Variants in ETV6 observed in about 807,000 individuals in gnomAD.
ETV6 encodes transcription factor ETV6.
In ETV6, 16 loss-of-function variants were observed where a neutral mutation model predicts 51.1. The observed-to-expected ratio is 0.31, with a 90% CI of 0.21 to 0.48. The LOEUF is 0.48. Ranked by LOEUF, ETV6 falls within the 20% of genes least tolerant of loss-of-function variation. The probability of loss-of-function intolerance (pLI) is 0.99; values close to 1 mark genes in which losing one functional copy is unlikely to be tolerated. For synonymous variants in ETV6, 240 were observed against 224.1 expected, an observed-to-expected ratio of 1.07 and a Z score of -0.64; for missense variants, 458 against 594.8, an observed-to-expected ratio of 0.77 and a Z score of 2.39.
In ETV6 at chr12:11,748,153, C is replaced by T. The variant is rs150890463; in HGVS notation, c.34-4297C>T. On this transcript the variant is annotated intron_variant, in intron 1 of 7. Transcript: ENST00000396373. Reference sequence around the variant, plus strand: ...AGGTTTCTTCACAGTGATGGGACACCGAAGTGCAATGGGATGAAAGCATGC... The same window carrying T: ...AGGTTTCTTCACAGTGATGGGACACTGAAGTGCAATGGGATGAAAGCATGC... 2.4e-4 allele frequency among the ~76,000 whole-genome samples: 37 copies of T among 152,244 alleles called. 1 individual carries two copies. The East Asian group carries it at 5.8e-3, about 24-fold the overall frequency.
intron 1 of ETV6, among the ~76,000 whole-genome samples, chr12:11,739,021 C>A (rs1865761109): frequency 6.6e-6 from 1 of 152,040 alleles, no homozygotes; most frequent in Non-Finnish European, 1.5e-5. Context: ...AAGTGGCGTC[C>A]TGAACCAACT....
rs205541 is a variant in ETV6 at position 11,691,160 on chromosome 12, C to T, written c.33+41000C>T. On this transcript the variant is annotated intron_variant, in intron 1 of 7. Coordinates refer to ENST00000396373, the MANE Select transcript of ETV6 (RefSeq NM_001987.5). ...GGAGCTCTCTAAGGCCTCTTTTATA[C>T]GAACCTAAATCCCATCCATGAGGGC... Among the ~76,000 whole-genome samples the T allele has an allele frequency of 6.7e-3, 1,019 of 152,156 alleles. 6 individuals are homozygous for T. The highest frequency in any genetic ancestry group is 0.016 in the African/African-American group (671 of 41,520).
chr12:11,777,707 C>G (rs1247680504), intron 2 of ETV6, among the ~76,000 whole-genome samples: 2 of 152,158 alleles, frequency 1.3e-5, no homozygotes, highest in Non-Finnish European at 1.5e-5. Flanking sequence ...CCTCTTTCTT[C>G]TGGCTACAAC....
chr12:11,702,835 A>G (rs1865009149), intron 1 of ETV6, among the ~76,000 whole-genome samples: 1 of 152,170 alleles, frequency 6.6e-6, no homozygotes, highest in African/African-American at 2.4e-5. Flanking sequence ...AAAAGGTTAC[A>G]TTTGTCATGC....
At chr12:11,816,050 T>C (rs1299137932) in intron 2 of ETV6, among the ~76,000 whole-genome samples, 3 of 152,102 alleles carry the variant, frequency 2.0e-5, no homozygotes, top group Non-Finnish European at 2.9e-5. Context: ...CAGAAAACAG[T>C]CTGCCAAGTC....
In ETV6 at chr12:11,853,477, C is replaced by G; in HGVS notation, c.379C>G (p.Arg127Gly). ...LQHILKQRKP[R>G]ILFSPFFHPG... ...GCATATTCTGAAGCAGAGGAAACCT[C>G]GGATTCTTTTTTCACCATTCTTCCA... Residue 127 changes from arginine (R) to glycine (G), a missense_variant, in exon 4 of 8, where the codon CGG becomes GGG. By Grantham distance (125) the Arg-to-Gly change is moderately radical. Coordinates refer to ENST00000396373, the MANE Select transcript of ETV6 (RefSeq NM_001987.5). 1 of 1,614,208 alleles carries G rather than the reference C, an allele frequency of 6.2e-7. No individual in the cohort carries two copies. Among genetic ancestry groups the G allele is most frequent in the Non-Finnish European group, 8.5e-7 (1 of 1,180,026 alleles).
chr12:11,869,870 A>T lies in ETV6; in HGVS notation c.910A>T (p.Ile304Phe). ...EDGLHREGKP[I>F]NLSHREDLAY... ...CGGGCTGCATAGGGAAGGGAAGCCC[A>T]TCAACCTCTCTCATCGGGAAGACCT... The change falls in exon 5 of 8, where the codon ATC (isoleucine) becomes TTC (phenylalanine). Residue 304 changes from isoleucine to phenylalanine, a missense_variant. Coordinates refer to ENST00000396373, the MANE Select transcript of ETV6 (RefSeq NM_001987.5). This position sits in a 1 kb window ranked among gnomAD's most constrained non-coding sequence, Gnocchi z 5.0. 1.2e-6 allele frequency: 2 copies of T among 1,613,172 alleles called. No individual in the cohort carries two copies. Among genetic ancestry groups the T allele is most frequent in the Non-Finnish European group, 1.7e-6 (2 of 1,180,028 alleles).
intron 4 of ETV6, among the ~76,000 whole-genome samples, chr12:11,866,584 GC>G (rs1459167403): frequency 6.6e-6 from 1 of 152,130 alleles, no homozygotes; most frequent in East Asian, 1.9e-4. Context: ...TTTCTATTTT[GC>G]CTTTTGCCCT....
chr12:11,689,744 G>A (rs1242173068), intron 1 of ETV6, among the ~76,000 whole-genome samples: 1 of 150,784 alleles, frequency 6.6e-6, no homozygotes, highest in East Asian at 2.0e-4. Flanking sequence ...CATTCTGGTT[G>A]GCCACATTTC....
intron 2 of ETV6, among the ~76,000 whole-genome samples, chr12:11,813,765 T>G (rs1334246511): frequency 6.6e-6 from 1 of 152,256 alleles, no homozygotes; most frequent in Non-Finnish European, 1.5e-5. Context: ...TGCATATTGT[T>G]CCTTGGATTT....
At chr12:11,682,388 T>C (rs1756332204) in intron 1 of ETV6, among the ~76,000 whole-genome samples, 3 of 152,252 alleles carry the variant, frequency 2.0e-5, no homozygotes, top group Non-Finnish European at 4.4e-5. Flanking sequence ...TCTGTTCATA[T>C]CCTTTGCCTA....
At chr12:11,666,513 A>T (rs1011815368) in intron 1 of ETV6, among the ~76,000 whole-genome samples, 5 of 152,204 alleles carry the variant, frequency 3.3e-5, no homozygotes, top group Non-Finnish European at 7.3e-5. Flanking sequence ...GGGCAGTCTT[A>T]AGAGAGTGTG....
At chr12:11,838,741 G>C (rs1946349360) in intron 2 of ETV6, among the ~76,000 whole-genome samples, 1 of 152,232 alleles carries the variant, frequency 6.6e-6, no homozygotes, top group Non-Finnish European at 1.5e-5. Context: ...ACGTGTCATA[G>C]TTCTGAGCCC....
intron 1 of ETV6, among the ~76,000 whole-genome samples, chr12:11,724,512 A>G (rs59702918): frequency 0.089 from 13,622 of 152,212 alleles, 1,658 homozygotes; most frequent in African/African-American, 0.28. Context: ...TGAACATTGA[A>G]AGTCTACTAT....
At position 11,652,761 on chromosome 12, in the gene ETV6, G is replaced by T. The variant is rs1458825283; in HGVS notation, c.33+2601G>T. On this transcript the variant is annotated intron_variant, in intron 1 of 7. Transcript: ENST00000396373. ...GCTCTGCTAGAAAAGAGTAGTGTCC[G>T]ATTTGGGTGGAGTTTCCAAGGTGAA... 2.0e-5 allele frequency among the ~76,000 whole-genome samples: 3 copies of T among 152,216 alleles called. No individual in the cohort carries two copies. The South Asian group carries it at 6.2e-4, about 32-fold the overall frequency.
intron 2 of ETV6, chr12:11,825,705 A>T (rs947732915): frequency 3.9e-5 from 6 of 152,174 alleles, no homozygotes; most frequent in Non-Finnish European, 8.8e-5. Flanking sequence ...ATCTCCAGTC[A>T]CTGAGCTAGT....
chr12:11,726,806 T>G (rs1233042981), intron 1 of ETV6, among the ~76,000 whole-genome samples: 1 of 152,180 alleles, frequency 6.6e-6, no homozygotes, highest in Non-Finnish European at 1.5e-5. Flanking sequence ...ATTAAGCATA[T>G]GAGTACTTAG....
In ETV6 at chr12:11,869,603, G is replaced by A; in HGVS notation, c.643G>A (p.Ala215Thr). 1 of 1,614,094 alleles carries A rather than the reference G, an allele frequency of 6.2e-7. No homozygotes were observed. The highest frequency in any genetic ancestry group is 1.1e-5 in the South Asian group (1 of 91,074). The change falls in exon 5 of 8, where the codon GCT (alanine) becomes ACT (threonine). Residue 215 changes from alanine to threonine, a missense_variant. This residue lies in a region of ETV6 where 293 missense variants were observed against 315.7 expected (regional missense o/e 0.93). Transcript: ENST00000396373. The surrounding 1 kb of genome is among the most constrained non-coding windows in gnomAD (Gnocchi z 5.0). ...LDNMIRRLSP[A>T]ERAQGPRPHQ... Reference sequence around the variant, plus strand: ...CAACATGATCCGCCGCCTCTCCCCGGCTGAGAGAGCTCAGGGACCCAGGCC... The same window carrying A: ...CAACATGATCCGCCGCCTCTCCCCGACTGAGAGAGCTCAGGGACCCAGGCC...
At chr12:11,676,432 C>G (rs183129201) in intron 1 of ETV6, among the ~76,000 whole-genome samples, 1 of 152,174 alleles carries the variant, frequency 6.6e-6, no homozygotes, top group Non-Finnish European at 1.5e-5. Context: ...CAAGGCCCTG[C>G]GTGATCTGGC....
Sources: gnomAD v4.1 joint callset for allele counts (sites outside exome capture counted in the v4.1 genomes callset) on GRCh38, gnomAD v4.1.1 for gene constraint, gnomAD v4.1.1 regional missense constraint, Gnocchi (gnomAD v3.1) non-coding constraint, MANE v1.5 for transcripts, NCBI Gene and HGNC (gene_info 2026-07-23, HGNC 2026-07-21) for gene names.